Variants in ZCWPW1 observed in about 807,000 individuals in gnomAD.
ZCWPW1 encodes the protein zinc finger CW-type PWWP domain protein 1.
ZCWPW1 carries 56 observed loss-of-function variants against 81.3 expected under a neutral mutation model. That is an observed-to-expected ratio of 0.69 (90% CI 0.56 to 0.86). ZCWPW1 has a LOEUF of 0.86. Among genes scored for constraint, ZCWPW1 ranks in the 40% least tolerant of loss-of-function variants. The probability of loss-of-function intolerance (pLI) is 0.00; values close to 1 mark genes in which losing one functional copy is unlikely to be tolerated. For synonymous variants in ZCWPW1, 250 were observed against 273.7 expected (o/e 0.91, Z 0.86); for missense variants, 650 against 769.8 (o/e 0.84, Z 1.84).
intron 14 of ZCWPW1, 150 bp downstream of exon 14, chr7:100,404,028 T>C: frequency 1.2e-6 from 1 of 866,248 alleles, no homozygotes; most frequent in Non-Finnish European, 1.8e-6. Context: ...TCCTAGATAC[T>C]GGGTCAATGA....
chr7:100,423,304 G>A (rs1458508412), intron 2 of ZCWPW1, among the ~76,000 whole-genome samples: 1 of 152,158 alleles, frequency 6.6e-6, no homozygotes, highest in African/African-American at 2.4e-5. Context: ...CCCTGCAACT[G>A]AAACTCTTTG....
intron 12 of ZCWPW1, among the ~76,000 whole-genome samples, chr7:100,406,202 C>T (rs1371146936): frequency 3.3e-5 from 5 of 152,142 alleles, no homozygotes; most frequent in Non-Finnish European, 7.3e-5. Flanking sequence ...AGACTGTGCC[C>T]CCCAGAAGGC....
At chr7:100,422,022 C>T (rs1796445676) in intron 2 of ZCWPW1, among the ~76,000 whole-genome samples, 1 of 152,186 alleles carries the variant, frequency 6.6e-6, no homozygotes, top group Non-Finnish European at 1.5e-5. Flanking sequence ...TTACTAATGA[C>T]ACTGTGACTA....
intron 10 of ZCWPW1, 150 bp downstream of exon 10, chr7:100,408,389 G>A: frequency 1.8e-6 from 2 of 1,141,370 alleles, no homozygotes; most frequent in Non-Finnish European, 2.5e-6. Context: ...AAGCCTCCAG[G>A]CTTGGTACTT....
chr7:100,428,475 C>G (rs1285854099), intron 1 of ZCWPW1, 93 bp downstream of exon 1: 1 of 152,314 alleles, frequency 6.6e-6, no homozygotes, highest in Non-Finnish European at 1.5e-5. Context: ...TCCTGAAGCA[C>G]ATCTACTAAC....
rs1248132623 is a variant in ZCWPW1, at chr7:100,401,225, C to T, written c.1739G>A (p.Gly580Glu). The T allele has an allele frequency of 1.9e-6, 3 of 1,614,090 alleles. No individual in the cohort carries two copies. The highest frequency in any genetic ancestry group is 2.7e-5 in the African/African-American group (2 of 74,944). The change falls in exon 18 of 18, where the codon GGG becomes GAG. Residue 580 changes from glycine to glutamate, a missense_variant. Physicochemically the swap from Gly to Glu is moderately conservative, Grantham distance 98. Coordinates refer to ENST00000684423, the MANE Select transcript of ZCWPW1 (RefSeq NM_001386010.1). ...TTCTTTCGCAGATGAGGGGCAGGCCCCCTTACACGCTGATAGGCCCAGGTT... is the reference window on the plus strand; with the variant it reads ...TTCTTTCGCAGATGAGGGGCAGGCCTCCTTACACGCTGATAGGCCCAGGTT... ...PKNLGLSACK[G>E]ACPSSAKEEP...
chr7:100,412,020 G>A (rs1304864972), intron 8 of ZCWPW1, among the ~76,000 whole-genome samples: 1 of 152,120 alleles, frequency 6.6e-6, no homozygotes, highest in East Asian at 1.9e-4. Context: ...CTAGTTTCCT[G>A]GGTTCTGTGA....
Position 100,419,121 on chromosome 7 carries a change from C to T in ZCWPW1, c.351G>A (p.Gln117=). 6.2e-7 allele frequency: 1 copy of T among 1,613,664 alleles called. No individual in the cohort carries two copies. Residue 117 remains glutamine, a synonymous_variant, in exon 5 of 18, where the codon CAG becomes CAA. Coordinates refer to ENST00000684423, the MANE Select transcript of ZCWPW1 (RefSeq NM_001386010.1). ...TACTACATGCCATACCCAAGCACTCCTGAAGGGACTTCTGCAGAACAATCT... is the reference window on the plus strand; with the variant it reads ...TACTACATGCCATACCCAAGCACTCTTGAAGGGACTTCTGCAGAACAATCT... The part of the protein sequence containing the change: ...IVQIVLQKSL[Q]ECLGMGSGLD...
At chr7:100,410,781 T>C (rs200849085) in intron 8 of ZCWPW1, among the ~76,000 whole-genome samples, 1 of 152,214 alleles carries the variant, frequency 6.6e-6, no homozygotes, top group Admixed American at 6.6e-5. Flanking sequence ...CCTCACTTGC[T>C]CAAAGACTCC....
intron 13 of ZCWPW1, among the ~76,000 whole-genome samples, chr7:100,404,585 C>T (rs1792595444): frequency 6.6e-6 from 1 of 152,076 alleles, no homozygotes; most frequent in Non-Finnish European, 1.5e-5. Flanking sequence ...GTCTTGAACT[C>T]CTGGACTCAA....
Position 100,408,762 on chromosome 7 carries a change from C to T in ZCWPW1, c.872-103G>A. On this transcript the variant is annotated intron_variant, in intron 9 of 17. Coordinates refer to ENST00000684423, the MANE Select transcript of ZCWPW1 (RefSeq NM_001386010.1). ...ACAAGAAGGAAATTGGTATATGCAG[C>T]AGGTGGGACCAAAGGGGCACCTGGG... is the stretch of plus-strand genomic sequence containing the variant. 2.1e-6 allele frequency: 3 copies of T among 1,413,060 alleles called. No individual in the cohort carries two copies. In the South Asian group the frequency reaches 4.2e-5, roughly 20 times the overall value. 87.5% of individuals were successfully genotyped at this position (1,413,060 alleles called of 1,614,324 possible).
At chr7:100,408,700 CTT>C (rs1486923982) in intron 9 of ZCWPW1, 41 bp from the exon 10 acceptor site, 1 of 1,596,194 alleles carries the variant, frequency 6.3e-7, no homozygotes, top group Non-Finnish European at 8.5e-7. Flanking sequence ...GGAAGAGACT[CTT>C]TAAGAGAAAG....
Position 100,426,220 on chromosome 7 carries a change from G to A in ZCWPW1, c.-136-1084C>T, listed in dbSNP as rs574641632. ...TTTAAAGAGTATATTTCAGCCGGGC[G>A]CAGTGGCTCACGCCTGTAATTCCAG... On this transcript the variant is annotated intron_variant, in intron 1 of 17. Transcript: ENST00000684423. 2.2e-4 allele frequency among the ~76,000 whole-genome samples: 34 copies of A among 152,286 alleles called. No individual in the cohort carries two copies. In the East Asian group the frequency reaches 3.5e-3, roughly 16 times the overall value.
intron 9 of ZCWPW1, 46 bp downstream of exon 9, chr7:100,409,382 G>T: frequency 1.4e-6 from 2 of 1,426,420 alleles, no homozygotes; most frequent in Non-Finnish European, 2.0e-6. Flanking sequence ...AGAAAGAAAG[G>T]GAGGAACAAT....
chr7:100,408,632 G>A lies in ZCWPW1; in HGVS notation c.899C>T (p.Pro300Leu). The change falls in exon 10 of 18, where the codon CCT (proline) becomes CTT (leucine). Residue 300 changes from proline (P) to leucine (L), a missense_variant. Physicochemically the swap from Pro to Leu is moderately conservative, Grantham distance 98 (BLOSUM62 -3). Coordinates refer to ENST00000684423, the MANE Select transcript of ZCWPW1 (RefSeq NM_001386010.1). The part of the protein sequence containing the change: ...TDVQYNRCDI[P>L]EETWTGLESD... ...CTCAAGCCCTGTCCAGGTCTCCTCAGGAATATCACAGCGATTATACTGCAC... is the reference window on the plus strand; with the variant it reads ...CTCAAGCCCTGTCCAGGTCTCCTCAAGAATATCACAGCGATTATACTGCAC... 2 of 1,613,890 alleles carry A rather than the reference G, an allele frequency of 1.2e-6. No homozygotes were observed. The highest frequency in any genetic ancestry group is 8.5e-7 in the Non-Finnish European group (1 of 1,179,896).
chr7:100,420,660 A>AACT lies in ZCWPW1; in HGVS notation c.-14_-12dup. 1 of 1,613,984 alleles carries AACT rather than the reference A, an allele frequency of 6.2e-7. No homozygotes were observed. The highest frequency in any genetic ancestry group is 8.5e-7 in the Non-Finnish European group (1 of 1,180,018). ...CAACGTTGTCATCATTCAGCTTAGA[A>AACT]ACTACGCTTTGTGTGCCTCTGTTAG... On this transcript the variant is annotated 5_prime_UTR_variant, in exon 3 of 18. Coordinates refer to ENST00000684423, the MANE Select transcript of ZCWPW1 (RefSeq NM_001386010.1).
chr7:100,424,301 G>C (rs1429138579), intron 2 of ZCWPW1, among the ~76,000 whole-genome samples: 3 of 151,944 alleles, frequency 2.0e-5, no homozygotes, highest in Non-Finnish European at 4.4e-5. Context: ...TAATAGGCTT[G>C]TTAATCATAA....
chr7:100,427,879 C>T (rs1797987203), intron 1 of ZCWPW1, among the ~76,000 whole-genome samples: 1 of 151,884 alleles, frequency 6.6e-6, no homozygotes, highest in Non-Finnish European at 1.5e-5. Context: ...CCCCCTCTCT[C>T]TTCCCCGTCC....
chr7:100,408,287 T>C (rs1175325345), intron 10 of ZCWPW1, among the ~76,000 whole-genome samples: 1 of 152,146 alleles, frequency 6.6e-6, no homozygotes, highest in Non-Finnish European at 1.5e-5. Flanking sequence ...ATCCACCCTC[T>C]TCTTTCTACC....
Sources: gnomAD v4.1 joint callset for allele counts (sites outside exome capture counted in the v4.1 genomes callset) on GRCh38, gnomAD v4.1.1 for gene constraint, MANE v1.5 for transcripts, NCBI Gene and HGNC (gene_info 2026-07-23, HGNC 2026-07-21) for gene names.